Variants in SGCG observed in about 807,000 individuals in gnomAD.
SGCG encodes the protein sarcoglycan gamma.
In SGCG, 26 loss-of-function variants were observed where a neutral mutation model predicts 29.3. The ratio of observed to expected loss-of-function variants is 0.89; its 90% confidence interval spans 0.65 to 1.23. The LOEUF (loss-of-function observed/expected upper bound fraction) is 1.23, where lower values mean the gene tolerates loss of function less well. SGCG is among the 50% of genes most tolerant of loss of function. The probability of loss-of-function intolerance (pLI) is 0.00; values close to 1 mark genes in which losing one functional copy is unlikely to be tolerated. For missense variants in SGCG, 353 were observed against 356.0 expected (o/e 0.99, Z 0.07); for synonymous variants, 145 against 129.7 (o/e 1.12, Z -0.80).
chr13:23,319,258 A>G (rs1312438909), intron 6 of SGCG, among the ~76,000 whole-genome samples: 1 of 151,378 alleles, frequency 6.6e-6, no homozygotes, highest in Non-Finnish European at 1.5e-5. Context: ...AGACCACACC[A>G]CTGTATTCTC....
upstream of SGCG, among the ~76,000 whole-genome samples, chr13:23,177,208 A>G (rs1205209628): frequency 6.6e-6 from 1 of 152,148 alleles, no homozygotes; most frequent in African/African-American, 2.4e-5. Flanking sequence ...AATGATTACC[A>G]GAGAATGGGG....
At chr13:23,245,243 C>T (rs1307560378) in intron 3 of SGCG, 7 of 152,310 alleles carry the variant, frequency 4.6e-5, no homozygotes, top group Admixed American at 2.6e-4. Flanking sequence ...AGGAGGGCAT[C>T]TACAGCCTTA....
At chr13:23,259,221 G>A (rs537377688) in intron 4 of SGCG, among the ~76,000 whole-genome samples, 39 of 152,104 alleles carry the variant, frequency 2.6e-4, no homozygotes, top group South Asian at 8.3e-4. Context: ...CAATTTCAGC[G>A]CCTGTTATTG....
intron 1 of SGCG, among the ~76,000 whole-genome samples, chr13:23,183,282 C>T (rs777886643): frequency 3.3e-5 from 5 of 152,184 alleles, no homozygotes; most frequent in African/African-American, 7.2e-5. Flanking sequence ...AATGCACCCT[C>T]TTATCCTGAC....
At chr13:23,160,920 C>G in the SGCG span, among the ~76,000 whole-genome samples, 1 of 152,210 alleles carries the variant, frequency 6.6e-6, no homozygotes, top group East Asian at 1.9e-4. Context: ...TGCCCAAAGA[C>G]TTCACTAACT....
chr13:23,251,560 A>G (rs1427544534), intron 4 of SGCG, among the ~76,000 whole-genome samples: 6 of 152,156 alleles, frequency 3.9e-5, no homozygotes, highest in Non-Finnish European at 8.8e-5. Flanking sequence ...GGATGGAAGG[A>G]TTGCTTGAAT....
At chr13:23,296,035 C>T (rs1881895632) in intron 6 of SGCG, among the ~76,000 whole-genome samples, 1 of 152,248 alleles carries the variant, frequency 6.6e-6, no homozygotes, top group Non-Finnish European at 1.5e-5. Flanking sequence ...TCTGCTCATC[C>T]CTCAAGTGTT....
intron 1 of SGCG, among the ~76,000 whole-genome samples, chr13:23,199,615 T>G (rs1238933152): frequency 6.6e-6 from 1 of 152,216 alleles, no homozygotes; most frequent in African/African-American, 2.4e-5. Flanking sequence ...ACCTAGTGAT[T>G]TAACTCATGC....
chr13:23,191,908 G>A (rs552457599), intron 1 of SGCG, among the ~76,000 whole-genome samples: 165 of 152,226 alleles, frequency 1.1e-3, no homozygotes, highest in Admixed American at 3.3e-3. Context: ...AGTGTCGGCC[G>A]GGCGCGGTGG....
chr13:23,211,715 A>C (rs575502018), intron 2 of SGCG, among the ~76,000 whole-genome samples: 1 of 152,336 alleles, frequency 6.6e-6, no homozygotes, highest in South Asian at 2.1e-4. Flanking sequence ...TTACCTCTGC[A>C]GTCTTGTTCT....
Position 23,297,895 on chromosome 13 carries a change from C to T in SGCG, c.578+2408C>T, listed in dbSNP as rs1379326823. Among the ~76,000 whole-genome samples the T allele has an allele frequency of 7.9e-5, 12 of 152,088 alleles. 1 individual carries two copies. In the South Asian group the frequency reaches 1.5e-3, roughly 18 times the overall value. ...GAGTAGCTGGGATTACAGGTGCCCA[C>T]GACCACACCTGGCTAATTTTTGTAT... On this transcript the variant is annotated intron_variant, in intron 6 of 7. Coordinates refer to ENST00000218867, the MANE Select transcript of SGCG (RefSeq NM_000231.3).
At chr13:23,231,375 C>T (rs1380812454) in intron 2 of SGCG, among the ~76,000 whole-genome samples, 7 of 143,360 alleles carry the variant, frequency 4.9e-5, no homozygotes, top group African/African-American at 1.3e-4. Flanking sequence ...GCATGTTTTT[C>T]AAATAAGGAA....
At chr13:23,276,396 A>G (rs183713555) in intron 4 of SGCG, among the ~76,000 whole-genome samples, 81 of 149,466 alleles carry the variant, frequency 5.4e-4, no homozygotes, top group Non-Finnish European at 8.6e-4. Flanking sequence ...TTCTTCCTTC[A>G]TCAGGGAAGC....
chr13:23,305,199 G>A (rs1882318694), intron 6 of SGCG, among the ~76,000 whole-genome samples: 1 of 152,160 alleles, frequency 6.6e-6, no homozygotes. Context: ...CAAGAACAGG[G>A]GGTGTCTTTC....
chr13:23,212,014 CATGAGA>C (rs1296757027), intron 2 of SGCG, among the ~76,000 whole-genome samples: 1 of 152,158 alleles, frequency 6.6e-6, no homozygotes, highest in Non-Finnish European at 1.5e-5. Context: ...ATAGAGTTAT[CATGAGA>C]TCTGGTTGGT....
rs114291022 is a variant in SGCG, at chr13:23,206,141, C to A, written c.195+2252C>A. On this transcript the variant is annotated intron_variant, in intron 2 of 7. Coordinates refer to ENST00000218867, the MANE Select transcript of SGCG (RefSeq NM_000231.3). Reference sequence around the variant, plus strand: ...TGAAAGATTTTAAAATACAAGATTTCATGTTTTATTTATTTTAAATTTTAT... The same window carrying A: ...TGAAAGATTTTAAAATACAAGATTTAATGTTTTATTTATTTTAAATTTTAT... 9.7e-3 allele frequency among the ~76,000 whole-genome samples: 1,472 copies of A among 152,254 alleles called. 26 individuals carry two copies. The highest frequency in any genetic ancestry group is 0.033 in the African/African-American group (1,371 of 41,550).
intron 6 of SGCG, among the ~76,000 whole-genome samples, chr13:23,301,515 A>T (rs955736986): frequency 6.6e-5 from 10 of 152,204 alleles, no homozygotes; most frequent in Non-Finnish European, 1.5e-4. Flanking sequence ...AAGTTCAGGG[A>T]AATGCTAACC....
chr13:23,274,643 C>T (rs1168446567), intron 4 of SGCG, among the ~76,000 whole-genome samples: 1 of 151,984 alleles, frequency 6.6e-6, no homozygotes, highest in African/African-American at 2.4e-5. Context: ...AGGATGGTCT[C>T]GATCTCCTGA....
chr13:23,287,451 G>A (rs1881535428), intron 5 of SGCG, among the ~76,000 whole-genome samples: 1 of 152,156 alleles, frequency 6.6e-6, no homozygotes, highest in African/African-American at 2.4e-5. Context: ...GTAGAGTCTG[G>A]CCCTGGGCTT....
Sources: gnomAD v4.1 joint callset for allele counts (sites outside exome capture counted in the v4.1 genomes callset) on GRCh38, gnomAD v4.1.1 for gene constraint, MANE v1.5 for transcripts, NCBI Gene and HGNC (gene_info 2026-07-23, HGNC 2026-07-21) for gene names.